LRP2: variants seen among roughly 807,000 people sequenced by gnomAD.
The protein encoded by LRP2 is low-density lipoprotein receptor-related protein 2.
Under a neutral mutation model 531.0 loss-of-function variants are expected in LRP2, and 172 were observed. The observed-to-expected ratio is 0.32, with a 90% CI of 0.29 to 0.37. The LOEUF is 0.37. Ranked by LOEUF, LRP2 falls within the 10% of genes least tolerant of loss-of-function variation. The pLI is 1.00. For missense variants in LRP2, 5,167 were observed against 5,868.3 expected (o/e 0.88, Z 3.90); for synonymous variants, 1,992 against 2,027.6 (o/e 0.98, Z 0.47).
chr2:169,141,246 A>G (rs1045015152), intron 71 of LRP2, among the ~76,000 whole-genome samples: 1 of 152,216 alleles, frequency 6.6e-6, no homozygotes, highest in East Asian at 1.9e-4. Context: ...TCTCCACTCA[A>G]TGTTCACTGT....
chr2:169,289,766 G>T (rs1683953078), intron 8 of LRP2, among the ~76,000 whole-genome samples: 1 of 152,036 alleles, frequency 6.6e-6, no homozygotes. Context: ...TCAAGAGATG[G>T]GATTTCAGGT....
At chr2:169,216,704 C>T (rs1688810059) in intron 34 of LRP2, among the ~76,000 whole-genome samples, 1 of 152,108 alleles carries the variant, frequency 6.6e-6, no homozygotes, top group African/African-American at 2.4e-5. Context: ...GAACTTTTAG[C>T]ATGGTCAGGT....
chr2:169,155,143 C>A (rs781497735), intron 65 of LRP2, among the ~76,000 whole-genome samples: 2 of 152,040 alleles, frequency 1.3e-5, no homozygotes, highest in Non-Finnish European at 2.9e-5. Flanking sequence ...ATTTTTTTAA[C>A]CTAAAGCAGC....
intron 4 of LRP2, among the ~76,000 whole-genome samples, chr2:169,295,700 G>A (rs981607701): frequency 3.9e-5 from 6 of 152,132 alleles, no homozygotes; most frequent in African/African-American, 1.4e-4. Context: ...TAGTACAGGG[G>A]TGGGACATTA....
At chr2:169,129,334 A>G (rs984279696) in intron 77 of LRP2, among the ~76,000 whole-genome samples, 2 of 152,230 alleles carry the variant, frequency 1.3e-5, no homozygotes, top group African/African-American at 4.8e-5. Flanking sequence ...TATATATTAT[A>G]GAATTTGTGC....
In LRP2 at chr2:169,241,242, T is replaced by C. The variant is rs779693492; in HGVS notation, c.3791A>G (p.Asn1264Ser). The change falls in exon 25 of 79, where the codon AAT becomes AGT. Residue 1264 changes from asparagine to serine, a missense_variant. Physicochemically the swap from Asn to Ser is conservative, Grantham distance 46. Coordinates refer to ENST00000649046, the MANE Select transcript of LRP2 (RefSeq NM_004525.3). ...AGGGCAAGTCTTGGGGACACAGGCA[T>C]TGTGCTCATCAGATCCATAGAGGCA... ...PDCLYGSDEH[N>S]ACVPKTCPSS... 6.2e-7 allele frequency: 1 copy of C among 1,614,166 alleles called. No homozygotes were observed. The highest frequency in any genetic ancestry group is 8.5e-7 in the Non-Finnish European group (1 of 1,180,038).
chr2:169,169,647 C>G lies in LRP2; in HGVS notation c.11497+55G>C, dbSNP rs1440251842. On this transcript the variant is annotated intron_variant, in intron 60 of 78. Coordinates refer to ENST00000649046, the MANE Select transcript of LRP2 (RefSeq NM_004525.3). ...AAGCGGCAGCGGACTGATGTCTAAA[C>G]TATCATATCCATGCTCTCAGGTAAG... 3.6e-6 allele frequency: 5 copies of G among 1,377,922 alleles called. No homozygotes were observed. The African/African-American group carries it at 5.7e-5, about 16-fold the overall frequency. 85.4% of individuals were successfully genotyped at this position (1,377,922 alleles called of 1,614,324 possible).
intron 75 of LRP2, among the ~76,000 whole-genome samples, chr2:169,138,028 C>T (rs1330417894): frequency 6.6e-6 from 1 of 152,070 alleles, no homozygotes; most frequent in East Asian, 1.9e-4. Context: ...ATTTGGTCCT[C>T]CCAGGAGGTA....
At chr2:169,203,003 C>T in intron 42 of LRP2, 44 bp from the exon 43 acceptor site, 1 of 1,539,964 alleles carries the variant, frequency 6.5e-7, no homozygotes, top group Non-Finnish European at 9.0e-7. Context: ...TGGATGCAGC[C>T]ACCGTTCACA....
chr2:169,272,790 C>T (rs1392903313), intron 15 of LRP2, 137 bp downstream of exon 15: 4 of 1,068,888 alleles, frequency 3.7e-6, no homozygotes, highest in Non-Finnish European at 5.8e-6. Flanking sequence ...GCCCTGTGGG[C>T]TACAGAAAGC....
At chr2:169,351,327 G>T (rs1276677803) in intron 1 of LRP2, among the ~76,000 whole-genome samples, 1 of 152,178 alleles carries the variant, frequency 6.6e-6, no homozygotes, top group Non-Finnish European at 1.5e-5. Flanking sequence ...ATCTGTACAA[G>T]AATTTTACTG....
In LRP2 at chr2:169,177,899, C is replaced by T. The variant is rs2105288683; in HGVS notation, c.10297G>A (p.Gly3433Arg). 1 of 1,614,172 alleles carries T rather than the reference C, an allele frequency of 6.2e-7. No homozygotes were observed. Among genetic ancestry groups the T allele is most frequent in the Non-Finnish European group, 8.5e-7 (1 of 1,180,024 alleles). ...CTATTTGATCCATCATATTTGTTTC[C>T]CTTTTCCACTGTCCTTGTATTCCAA... Reference protein sequence around the residue: ...TDWNTRTVEKGNKYDGSNRQT... With the variant: ...TDWNTRTVEKRNKYDGSNRQT... The change falls in exon 53 of 79, where the codon GGA becomes AGA. Residue 3433 changes from glycine to arginine, a missense_variant. By Grantham distance (125) the Gly-to-Arg change is moderately radical. Transcript: ENST00000649046.
At chr2:169,215,103 C>T (rs998680460) in intron 35 of LRP2, among the ~76,000 whole-genome samples, 3 of 152,180 alleles carry the variant, frequency 2.0e-5, no homozygotes, top group African/African-American at 4.8e-5. Flanking sequence ...CACACATGCA[C>T]CCAACTCTGC....
chr2:169,211,388 A>G (rs1422199692), intron 37 of LRP2, among the ~76,000 whole-genome samples: 1 of 152,202 alleles, frequency 6.6e-6, no homozygotes, highest in Non-Finnish European at 1.5e-5. Context: ...TCATACATTC[A>G]CAGTATGTAA....
intron 29 of LRP2, among the ~76,000 whole-genome samples, chr2:169,234,211 T>C (rs1162071283): frequency 6.6e-6 from 1 of 152,218 alleles, no homozygotes. Flanking sequence ...ACATGTGCCA[T>C]GGTGGTTTGC....
chr2:169,266,114 T>C (rs1690789143), intron 16 of LRP2, among the ~76,000 whole-genome samples: 1 of 152,042 alleles, frequency 6.6e-6, no homozygotes, highest in African/African-American at 2.4e-5. Context: ...ATTTATATTA[T>C]GTTAATAATA....
intron 1 of LRP2, among the ~76,000 whole-genome samples, chr2:169,334,970 C>T (rs1235374627): frequency 6.6e-6 from 1 of 152,160 alleles, no homozygotes. Flanking sequence ...TACTATCTGA[C>T]TGAGAGAAAA....
At chr2:169,288,463 T>C (rs1300667586) in intron 9 of LRP2, among the ~76,000 whole-genome samples, 1 of 152,190 alleles carries the variant, frequency 6.6e-6, no homozygotes, top group African/African-American at 2.4e-5. Flanking sequence ...TAGTTCCAAG[T>C]GGATGTCACA....
chr2:169,305,491 G>A (rs1428038482), intron 4 of LRP2, among the ~76,000 whole-genome samples: 1 of 152,146 alleles, frequency 6.6e-6, no homozygotes, highest in African/African-American at 2.4e-5. Flanking sequence ...GGAATTTAGA[G>A]ACAATCCAGA....
Sources: allele counts gnomAD v4.1 joint callset (sites outside exome capture counted in the v4.1 genomes callset), GRCh38; gene constraint gnomAD v4.1.1; transcripts MANE v1.5; gene names NCBI Gene and HGNC (gene_info 2026-07-23, HGNC 2026-07-21).